Variants in CPA6 observed in about 807,000 individuals in gnomAD.
CPA6 encodes carboxypeptidase A6.
CPA6 carries 58 observed loss-of-function variants against 63.3 expected under a neutral mutation model. The observed-to-expected ratio is 0.92, with a 90% CI of 0.74 to 1.14. The LOEUF (loss-of-function observed/expected upper bound fraction) is 1.14. CPA6 is among the 50% of genes most tolerant of loss of function. CPA6 has a pLI of 0.00. For synonymous variants in CPA6, 185 were observed against 179.0 expected (o/e 1.03, Z -0.27); for missense variants, 565 against 526.6 (o/e 1.07, Z -0.71).
At chr8:67,568,023 G>T (rs1339350597) in intron 2 of CPA6, among the ~76,000 whole-genome samples, 1 of 152,108 alleles carries the variant, frequency 6.6e-6, no homozygotes, top group Admixed American at 6.5e-5. Flanking sequence ...AGCCTAGCCA[G>T]CTGTCTCACC....
intron 1 of CPA6, among the ~76,000 whole-genome samples, chr8:67,734,576 T>C (rs1314647689): frequency 6.6e-6 from 1 of 152,252 alleles, no homozygotes; most frequent in Non-Finnish European, 1.5e-5. Flanking sequence ...GTATCCTTTT[T>C]TCTGCCCTGT....
chr8:67,576,504 T>G (rs761378021), intron 2 of CPA6, among the ~76,000 whole-genome samples: 7 of 152,172 alleles, frequency 4.6e-5, no homozygotes, highest in Non-Finnish European at 8.8e-5. Flanking sequence ...AATGTAGAAA[T>G]TTAATTTGAC....
At chr8:67,505,973 C>T (rs532102173) in intron 6 of CPA6, among the ~76,000 whole-genome samples, 2 of 152,084 alleles carry the variant, frequency 1.3e-5, no homozygotes, top group African/African-American at 4.8e-5. Flanking sequence ...TCATATCCTT[C>T]GACTTTCACT....
At chr8:67,629,878 G>A (rs779302820) in intron 1 of CPA6, among the ~76,000 whole-genome samples, 45 of 151,898 alleles carry the variant, frequency 3.0e-4, no homozygotes, top group Non-Finnish European at 8.8e-5. Context: ...AGGCCGAGGC[G>A]GGTGGATCAC....
chr8:67,477,429 T>C (rs1022232549), intron 8 of CPA6, among the ~76,000 whole-genome samples: 2 of 152,178 alleles, frequency 1.3e-5, no homozygotes, highest in African/African-American at 4.8e-5. Context: ...TTAAATTGGT[T>C]GTTAAGCAAA....
intron 2 of CPA6, among the ~76,000 whole-genome samples, chr8:67,620,308 C>T (rs1425408115): frequency 1.3e-5 from 2 of 152,200 alleles, no homozygotes; most frequent in African/African-American, 4.8e-5. Context: ...CATTTCCCTT[C>T]TGCCATATAA....
chr8:67,427,242 A>C (rs2128951147), intron 10 of CPA6, among the ~76,000 whole-genome samples: 1 of 151,972 alleles, frequency 6.6e-6, no homozygotes, highest in African/African-American at 2.4e-5. Flanking sequence ...GGTTTTACAT[A>C]CCCCCTATTT....
chr8:67,655,158 A>G (rs1815955023), intron 1 of CPA6, among the ~76,000 whole-genome samples: 1 of 152,192 alleles, frequency 6.6e-6, no homozygotes, highest in Non-Finnish European at 1.5e-5. Context: ...TTGTTATAAC[A>G]GGGATTCTTA....
At chr8:67,616,615 A>G (rs1469508439) in intron 2 of CPA6, among the ~76,000 whole-genome samples, 1 of 151,686 alleles carries the variant, frequency 6.6e-6, no homozygotes, top group Non-Finnish European at 1.5e-5. Context: ...ACTCTCTTGT[A>G]CATACCTTAC....
At chr8:67,637,836 G>A (rs996119006) in intron 1 of CPA6, among the ~76,000 whole-genome samples, 1 of 151,360 alleles carries the variant, frequency 6.6e-6, no homozygotes, top group African/African-American at 2.5e-5. Flanking sequence ...GTAGATTGAT[G>A]GCCATCAGCA....
At chr8:67,734,921 G>A (rs1190993297) in intron 1 of CPA6, among the ~76,000 whole-genome samples, 1 of 152,198 alleles carries the variant, frequency 6.6e-6, no homozygotes, top group Non-Finnish European at 1.5e-5. Flanking sequence ...TAGGGGAAAT[G>A]AAAATATGAC....
intron 1 of CPA6, among the ~76,000 whole-genome samples, chr8:67,653,564 A>T (rs1815902081): frequency 6.6e-6 from 1 of 151,904 alleles, no homozygotes; most frequent in Non-Finnish European, 1.5e-5. Flanking sequence ...GGTGTATAAG[A>T]ATGTTTGTGA....
At chr8:67,727,289 A>AT (rs1329120761) in intron 1 of CPA6, among the ~76,000 whole-genome samples, 7 of 152,042 alleles carry the variant, frequency 4.6e-5, no homozygotes, top group African/African-American at 1.7e-4. Context: ...CTATTTTCTC[A>AT]TTTTTTATTG....
At chr8:67,708,768 C>A (rs1334473038) in intron 1 of CPA6, among the ~76,000 whole-genome samples, 1 of 152,196 alleles carries the variant, frequency 6.6e-6, no homozygotes, top group African/African-American at 2.4e-5. Context: ...TTACAGAAGA[C>A]TAATCTTCAT....
chr8:67,475,171 T>C lies in CPA6; in HGVS notation c.838+8597A>G, dbSNP rs557507681. ...TTTGGAAACTGTGATACTATTGTTG[T>C]GACATTGTTACTTGTAGGAGGCAGC... On this transcript the variant is annotated intron_variant, in intron 8 of 10. Coordinates refer to ENST00000297770, the MANE Select transcript of CPA6 (RefSeq NM_020361.5). Among the ~76,000 whole-genome samples the C allele has an allele frequency of 2.3e-4, 35 of 152,372 alleles. No individual in the cohort carries two copies. The South Asian group carries it at 6.8e-3, about 30-fold the overall frequency.
rs1261130331 is a variant in CPA6 at position 67,559,400 on chromosome 8, C to T, written c.193-41353G>A. 5.3e-5 allele frequency among the ~76,000 whole-genome samples: 8 copies of T among 152,142 alleles called. 1 individual carries two copies. The South Asian group carries it at 1.5e-3, about 28-fold the overall frequency. On this transcript the variant is annotated intron_variant, in intron 2 of 10. Coordinates refer to ENST00000297770, the MANE Select transcript of CPA6 (RefSeq NM_020361.5). ...GACTAGGTGGAAGAAAAGTCCCAGA[C>T]AAGTCTTATTTGTGAATTCGGCCTC...
At chr8:67,654,190 G>C (rs980875740) in intron 1 of CPA6, among the ~76,000 whole-genome samples, 8 of 152,126 alleles carry the variant, frequency 5.3e-5, no homozygotes, top group African/African-American at 1.9e-4. Flanking sequence ...CAAGGATATT[G>C]GTCTAAAATT....
At chr8:67,454,908 G>A (rs1208460036) in intron 8 of CPA6, among the ~76,000 whole-genome samples, 10 of 152,190 alleles carry the variant, frequency 6.6e-5, no homozygotes, top group Middle Eastern at 3.4e-3. Flanking sequence ...AGACAATGCC[G>A]GATATAATCG....
intron 8 of CPA6, among the ~76,000 whole-genome samples, chr8:67,475,472 A>G (rs1811152202): frequency 6.6e-6 from 1 of 152,258 alleles, no homozygotes; most frequent in African/African-American, 2.4e-5. Context: ...GTTCTCAAAA[A>G]TGTTCCTGAG....
Sources: allele counts gnomAD v4.1 joint callset (sites outside exome capture counted in the v4.1 genomes callset), GRCh38; gene constraint gnomAD v4.1.1; transcripts MANE v1.5; gene names NCBI Gene and HGNC (gene_info 2026-07-23, HGNC 2026-07-21).